HECW2: variants seen among roughly 807,000 people sequenced by gnomAD.
HECW2 encodes the protein HECT, C2 and WW domain containing E3 ubiquitin protein ligase 2.
HECW2 carries 61 observed loss-of-function variants against 175.2 expected under a neutral mutation model. That is an observed-to-expected ratio of 0.35 (90% CI 0.28 to 0.43). The LOEUF (loss-of-function observed/expected upper bound fraction) is 0.43, where lower values mean the gene tolerates loss of function less well. HECW2 is among the 20% of genes least tolerant of loss of function. The pLI is 1.00. For synonymous variants in HECW2, 671 were observed against 731.0 expected (o/e 0.92, Z 1.32); for missense variants, 1,524 against 2,000.5 (o/e 0.76, Z 4.54).
In HECW2 at chr2:196,351,413, T is replaced by A. The variant is rs376040644; in HGVS notation, c.293-7649A>T. 2.0e-5 allele frequency among the ~76,000 whole-genome samples: 3 copies of A among 152,202 alleles called. No individual in the cohort carries two copies. The South Asian group carries it at 6.2e-4, about 31-fold the overall frequency. ...AACATGAACAGACATATCAGACATA[T>A]CCAAACATATTCTAGATTTGGAAAT... On this transcript the variant is annotated intron_variant, in intron 2 of 28. Coordinates refer to ENST00000644978, the MANE Select transcript of HECW2 (RefSeq NM_001348768.2).
At position 196,527,958 on chromosome 2, in the gene HECW2, T is replaced by G. The variant is rs548771515; in HGVS notation, c.-36+65550A>C. Among the ~76,000 whole-genome samples the G allele has an allele frequency of 3.3e-4, 51 of 152,352 alleles. 1 individual carries two copies. Among genetic ancestry groups the G allele is most frequent in the African/African-American group, 1.2e-3 (50 of 41,588 alleles). Reference sequence around the variant, plus strand: ...TTATTTCCACATTTTAAAAATACAATGATAATGATTCCTTAATTTCTTGTT... The same window carrying G: ...TTATTTCCACATTTTAAAAATACAAGGATAATGATTCCTTAATTTCTTGTT... On this transcript the variant is annotated intron_variant, in intron 1 of 28. Transcript: ENST00000644978.
At chr2:196,527,138 A>G (rs2091470) in intron 1 of HECW2, among the ~76,000 whole-genome samples, 54,286 of 151,944 alleles carry the variant, frequency 0.36, 13,626 homozygotes, top group African/African-American at 0.72. Context: ...AGACTCCGTG[A>G]GCCTAGGACC....
At chr2:196,532,430 A>T (rs1199811978) in intron 1 of HECW2, among the ~76,000 whole-genome samples, 1 of 152,142 alleles carries the variant, frequency 6.6e-6, no homozygotes, top group Non-Finnish European at 1.5e-5. Flanking sequence ...TTGAACAAGG[A>T]GAACATACGG....
chr2:196,571,579 G>A (rs1458550145), intron 1 of HECW2, among the ~76,000 whole-genome samples: 1 of 152,018 alleles, frequency 6.6e-6, no homozygotes, highest in Non-Finnish European at 1.5e-5. Flanking sequence ...TGTGCTGACA[G>A]TTACCTGTAA....
At chr2:196,469,978 A>T (rs921867384) in intron 1 of HECW2, among the ~76,000 whole-genome samples, 1 of 152,154 alleles carries the variant, frequency 6.6e-6, no homozygotes, top group East Asian at 1.9e-4. Context: ...TATCAGAAAA[A>T]TTCTAGTTAA....
Position 196,319,431 on chromosome 2 carries a change from C to T in HECW2, c.1459G>A (p.Gly487Ser), listed in dbSNP as rs752934289. 6.2e-7 allele frequency: 1 copy of T among 1,613,834 alleles called. No homozygotes were observed. Among genetic ancestry groups the T allele is most frequent in the Non-Finnish European group, 8.5e-7 (1 of 1,179,884 alleles). Residue 487 changes from glycine (G) to serine (S), a missense_variant, in exon 9 of 29, where the codon GGC becomes AGC. This residue lies in a region of HECW2 where 604 missense variants were observed against 588.3 expected (regional missense o/e 1.03). Coordinates refer to ENST00000644978, the MANE Select transcript of HECW2 (RefSeq NM_001348768.2). The part of the protein sequence containing the change: ...GYPSSLEEEG[G>S]LIMFSRASRA... ...GATGCCCTGCTAAACATGATCAGGC[C>T]TCCCTCCTCCTCCAAGGAAGATGGG...
In HECW2 at chr2:196,255,243, C is replaced by T. The variant is rs149908539; in HGVS notation, c.3420-1214G>A. On this transcript the variant is annotated intron_variant, in intron 18 of 28. Coordinates refer to ENST00000644978, the MANE Select transcript of HECW2 (RefSeq NM_001348768.2). ...TGACCTCATCATGATCCGCCTGCCT[C>T]GGCATCCCAAAGTGCTGGGATTACA... Among the ~76,000 whole-genome samples, 17 of 150,468 alleles carry T rather than the reference C, an allele frequency of 1.1e-4. No individual in the cohort carries two copies. In the East Asian group the frequency reaches 2.1e-3, roughly 19 times the overall value.
chr2:196,494,282 G>A (rs1687303350), intron 1 of HECW2, among the ~76,000 whole-genome samples: 2 of 152,200 alleles, frequency 1.3e-5, no homozygotes, highest in African/African-American at 4.8e-5. Flanking sequence ...GCTGGGAAGA[G>A]CCCTGAAAAG....
At chr2:196,273,442 C>A (rs1368899897) in intron 16 of HECW2, among the ~76,000 whole-genome samples, 1 of 152,154 alleles carries the variant, frequency 6.6e-6, no homozygotes, top group African/African-American at 2.4e-5. Flanking sequence ...CTGCCTCAGG[C>A]GCTCCAGGTT....
chr2:196,468,554 TG>T (rs1305236517), intron 1 of HECW2, among the ~76,000 whole-genome samples: 1 of 152,150 alleles, frequency 6.6e-6, no homozygotes, highest in Non-Finnish European at 1.5e-5. Flanking sequence ...AGGATTGGAG[TG>T]GAGCCTGAGA....
At chr2:196,451,262 C>T (rs1249702798) in intron 1 of HECW2, among the ~76,000 whole-genome samples, 1 of 151,514 alleles carries the variant, frequency 6.6e-6, no homozygotes, top group Non-Finnish European at 1.5e-5. Context: ...GGTGAAACCC[C>T]GTCTCTACTA....
rs58494824 is a variant in HECW2, at chr2:196,273,946, G to A, written c.3238+75C>T. 6.7e-3 allele frequency: 6,801 copies of A among 1,018,084 alleles called. 289 individuals carry two copies. The African/African-American group carries it at 0.095, about 14-fold the overall frequency. The allele number at this position is 1,018,084 out of a possible 1,614,324, so 63.1% of individuals were successfully genotyped here. On this transcript the variant is annotated intron_variant, in intron 16 of 28. Transcript: ENST00000644978. ...AAAAAGTAGCAGGCTAACAACAGGG[G>A]AAGTATCAGCACAGTGTACATGGTA...
intron 1 of HECW2, among the ~76,000 whole-genome samples, chr2:196,443,497 A>T (rs977548650): frequency 5.3e-5 from 8 of 152,222 alleles, no homozygotes; most frequent in Non-Finnish European, 8.8e-5. Flanking sequence ...ATACTTTTAA[A>T]ATGTTAGTCA....
At chr2:196,243,008 A>T (rs557695128) in intron 19 of HECW2, among the ~76,000 whole-genome samples, 2 of 152,238 alleles carry the variant, frequency 1.3e-5, no homozygotes, top group Admixed American at 6.5e-5. Context: ...AACTTCTTTT[A>T]GATATGCACT....
At chr2:196,385,572 C>T (rs34168473) in intron 2 of HECW2, among the ~76,000 whole-genome samples, 34,211 of 151,988 alleles carry the variant, frequency 0.23, 4,426 homozygotes, top group African/African-American at 0.35. Context: ...TAAGGTAGGA[C>T]GCTAGAAGAC....
intron 10 of HECW2, 90 bp downstream of exon 10, chr2:196,317,184 T>C: frequency 1.0e-6 from 1 of 974,656 alleles, no homozygotes. Context: ...GAAGACCATG[T>C]ATCCATCTTT....
intron 2 of HECW2, among the ~76,000 whole-genome samples, chr2:196,385,278 C>G (rs1177791156): frequency 6.6e-6 from 1 of 152,052 alleles, no homozygotes; most frequent in Non-Finnish European, 1.5e-5. Context: ...ACAGTAAAAG[C>G]CTTCCCCATC....
intron 1 of HECW2, among the ~76,000 whole-genome samples, chr2:196,553,517 C>T (rs1462650584): frequency 6.6e-6 from 1 of 152,194 alleles, no homozygotes; most frequent in Non-Finnish European, 1.5e-5. Context: ...CAGAGCATTA[C>T]AAATGGTAAT....
intron 2 of HECW2, among the ~76,000 whole-genome samples, chr2:196,372,877 A>T (rs966021797): frequency 1.8e-4 from 28 of 152,292 alleles, no homozygotes; most frequent in South Asian, 6.2e-4. Context: ...CGCGGCCAAA[A>T]ATGGACACCT....
Sources: allele counts gnomAD v4.1 joint callset (sites outside exome capture counted in the v4.1 genomes callset), GRCh38; gene constraint gnomAD v4.1.1; regional missense constraint gnomAD v4.1.1; transcripts MANE v1.5; gene names NCBI Gene and HGNC (gene_info 2026-07-23, HGNC 2026-07-21).